ACACB: variants seen among roughly 807,000 people sequenced by gnomAD.
The protein encoded by ACACB is acetyl-CoA carboxylase beta.
Under a neutral mutation model 278.8 loss-of-function variants are expected in ACACB, and 209 were observed. The ratio of observed to expected loss-of-function variants is 0.75; its 90% CI spans 0.67 to 0.84. The LOEUF (loss-of-function observed/expected upper bound fraction) is 0.84. Ranked by LOEUF, ACACB falls within the 40% of genes least tolerant of loss-of-function variation. The probability of loss-of-function intolerance (pLI) is 0.00; values close to 1 mark genes in which losing one functional copy is unlikely to be tolerated. For missense variants in ACACB, 2,850 were observed against 3,269.0 expected (o/e 0.87, Z 3.13); for synonymous variants, 1,174 against 1,285.6 (o/e 0.91, Z 1.86).
At chr12:109,203,713 A>G (rs947861384) in intron 19 of ACACB, among the ~76,000 whole-genome samples, 1 of 152,096 alleles carries the variant, frequency 6.6e-6, no homozygotes, top group Admixed American at 6.5e-5. Flanking sequence ...CTGTCATGTG[A>G]CCCTGAGCTC....
Position 109,196,885 on chromosome 12 carries a change from C to CG in ACACB, c.2482-118dup, listed in dbSNP as rs1456774902. 1.6e-5 allele frequency: 19 copies of CG among 1,153,458 alleles called. No homozygotes were observed. The East Asian group carries it at 3.1e-4, about 19-fold the overall frequency. 71.5% of individuals were successfully genotyped at this position (1,153,458 alleles called of 1,614,324 possible). ...AATTGTGAGGGCTGGGTCCGAGAGA[C>CG]GGGGGTGTTCATCTTGGCCCTCTGT... On this transcript the variant is annotated intron_variant, in intron 16 of 52. Coordinates refer to ENST00000338432, the MANE Select transcript of ACACB (RefSeq NM_001093.4).
upstream of ACACB, among the ~76,000 whole-genome samples, chr12:109,113,850 C>T (rs981979363): frequency 3.3e-5 from 5 of 152,216 alleles, no homozygotes; most frequent in African/African-American, 7.2e-5. Context: ...CTGACTTGTG[C>T]TGACTCAAGC....
chr12:109,222,707 C>T (rs2046207632), intron 25 of ACACB, 87 bp downstream of exon 25: 1 of 1,519,960 alleles, frequency 6.6e-7, no homozygotes, highest in East Asian at 2.3e-5. Context: ...TCACCATGCA[C>T]AGTCCCACCG....
chr12:109,252,100 G>C lies in ACACB; in HGVS notation c.5845G>C (p.Val1949Leu), dbSNP rs2047111163. 3 of 1,613,658 alleles carry C rather than the reference G, an allele frequency of 1.9e-6. No individual in the cohort carries two copies. Among genetic ancestry groups the C allele is most frequent in the Non-Finnish European group, 2.5e-6 (3 of 1,179,808 alleles). ...CTACTTGGTGAGGCTGGGCCAGCGA[G>C]TGATCCAGGTGGAGAATTCCCACAT... The part of the protein sequence containing the change: ...GAYLVRLGQR[V>L]IQVENSHIIL... Residue 1949 changes from valine (V) to leucine (L), a missense_variant, in exon 42 of 53, where the codon GTG becomes CTG. Physicochemically the swap from Val to Leu is conservative, Grantham distance 32 (BLOSUM62 1). Transcript: ENST00000338432.
At chr12:109,226,699 CA>C (rs531983826) in intron 27 of ACACB, among the ~76,000 whole-genome samples, 185 of 74,204 alleles carry the variant, frequency 2.5e-3, no homozygotes, top group East Asian at 4.2e-3. Flanking sequence ...AACTCCATCT[CA>C]AAAAAAAAAA....
intron 2 of ACACB, among the ~76,000 whole-genome samples, chr12:109,161,242 A>G (rs533283686): frequency 6.6e-6 from 1 of 152,296 alleles, no homozygotes; most frequent in South Asian, 2.1e-4. Context: ...GTTGAAAACA[A>G]TAAATAAAAT....
Position 109,246,315 on chromosome 12 carries a change from C to T in ACACB, c.5438C>T (p.Ala1813Val). ...GPGEDLLYLR[A>V]SEMARAEGIP... ...GGAGAGGACCTTCTGTACCTGCGGG[C>T]ATCCGAGATGGCCCGGGCAGAGGGC... Residue 1813 changes from alanine (A) to valine (V), a missense_variant, in exon 39 of 53, where the codon GCA becomes GTA. Transcript: ENST00000338432. The T allele has an allele frequency of 2.5e-6, 4 of 1,612,768 alleles. No individual in the cohort carries two copies. The highest frequency in any genetic ancestry group is 3.4e-6 in the Non-Finnish European group (4 of 1,179,766).
chr12:109,144,789 C>T (rs1416841305), intron 2 of ACACB, among the ~76,000 whole-genome samples: 2 of 109,840 alleles, frequency 1.8e-5, no homozygotes, highest in Non-Finnish European at 3.4e-5. Flanking sequence ...GAGTCTTGCT[C>T]TGTCACCCAG....
At chr12:109,232,875 C>A (rs377173883) in intron 29 of ACACB, 69 bp downstream of exon 29, 1 of 1,583,000 alleles carries the variant, frequency 6.3e-7, no homozygotes, top group Non-Finnish European at 8.6e-7. Context: ...TGAATCCCCC[C>A]CCAATTCACT....
chr12:109,244,296 C>T (rs573226600), intron 37 of ACACB, among the ~76,000 whole-genome samples: 6 of 152,158 alleles, frequency 3.9e-5, no homozygotes, highest in East Asian at 3.8e-4. Context: ...TAGAGTAACT[C>T]GGGCCTCAGC....
At chr12:109,260,083 G>C in intron 47 of ACACB, 1 of 1,362,112 alleles carries the variant, frequency 7.3e-7, no homozygotes, top group Non-Finnish European at 9.7e-7. Flanking sequence ...GGGACCTGGA[G>C]AGATGTGTCT....
intron 20 of ACACB, among the ~76,000 whole-genome samples, chr12:109,207,872 G>T (rs373711929): frequency 6.6e-6 from 1 of 152,048 alleles, no homozygotes; most frequent in African/African-American, 2.4e-5. Flanking sequence ...TAGAGACGGG[G>T]TTCTACCGTG....
At chr12:109,142,500 A>G (rs552373791) in intron 2 of ACACB, among the ~76,000 whole-genome samples, 19 of 152,250 alleles carry the variant, frequency 1.2e-4, no homozygotes, top group Non-Finnish European at 2.5e-4. Flanking sequence ...GTTTGAGCTT[A>G]AACCAAGGTT....
chr12:109,179,169 G>C lies in ACACB; in HGVS notation c.1519G>C (p.Ala507Pro). ...CCGTCACCTGGAAGTTCAGATCCTC[G>C]CTGACCAGTATGGGAATGCTGTGTC... ...HARHLEVQIL[A>P]DQYGNAVSLF... is the part of the protein sequence containing the mutation. Residue 507 changes from alanine to proline, a missense_variant, in exon 10 of 53, where the codon GCT becomes CCT. Physicochemically the swap from Ala to Pro is conservative, Grantham distance 27 (BLOSUM62 -1). This residue lies in a region of ACACB where 2,265 missense variants were observed against 2,561.3 expected (regional missense o/e 0.88). Transcript: ENST00000338432. 1.2e-6 allele frequency: 2 copies of C among 1,613,996 alleles called. No individual in the cohort carries two copies. Among genetic ancestry groups the C allele is most frequent in the Non-Finnish European group, 1.7e-6 (2 of 1,179,982 alleles).
chr12:109,227,371 G>A lies in ACACB; in HGVS notation c.3883G>A (p.Val1295Ile). 6.2e-7 allele frequency: 1 copy of A among 1,610,156 alleles called. No homozygotes were observed. The highest frequency in any genetic ancestry group is 8.5e-7 in the Non-Finnish European group (1 of 1,178,166). ...TGTCCGTGTGTTTCTGCCTTGTCAG[G>A]TTTACGTGCGGAGGGGCTACATCGC... ...NKVVCMASLEVYVRRGYIAYE... is the reference protein window; with the variant it reads ...NKVVCMASLEIYVRRGYIAYE... The change falls in exon 28 of 53, where the codon GTT becomes ATT. Residue 1295 changes from valine to isoleucine, a missense_variant and splice_region_variant. Around this residue, in one of 3 missense-constraint regions of ACACB, gnomAD observed 2,265 missense variants for 2,561.3 expected, o/e 0.88. Transcript: ENST00000338432.
In ACACB at chr12:109,136,860, G is replaced by A. The variant is rs140827034; in HGVS notation, c.-9-2537G>A. ...TTTATTTCATTTTATTGTCTAATTGGTTTGTCTAGAACTTCCAGTACAGTG... is the reference window on the plus strand; with the variant it reads ...TTTATTTCATTTTATTGTCTAATTGATTTGTCTAGAACTTCCAGTACAGTG... On this transcript the variant is annotated intron_variant, in intron 1 of 52. Transcript: ENST00000338432. Among the ~76,000 whole-genome samples the A allele has an allele frequency of 5.2e-4, 79 of 152,192 alleles. 2 individuals carry two copies. The East Asian group carries it at 0.015, about 28-fold the overall frequency.
At chr12:109,142,536 G>A (rs1400079168) in intron 2 of ACACB, among the ~76,000 whole-genome samples, 1 of 151,920 alleles carries the variant, frequency 6.6e-6, no homozygotes, top group Non-Finnish European at 1.5e-5. Flanking sequence ...ATTTATAAAG[G>A]CGAAAACTAT....
chr12:109,115,818 G>A (rs935790123), upstream of ACACB, among the ~76,000 whole-genome samples: 12 of 152,208 alleles, frequency 7.9e-5, no homozygotes, highest in African/African-American at 2.2e-4. Flanking sequence ...CGTGCTCAGC[G>A]CTCTCGCCAG....
intron 6 of ACACB, among the ~76,000 whole-genome samples, chr12:109,172,885 C>G (rs1477725465): frequency 6.6e-6 from 1 of 152,186 alleles, no homozygotes; most frequent in Non-Finnish European, 1.5e-5. Context: ...TATTGCAGCA[C>G]TATTCACAGT....
Sources: allele counts gnomAD v4.1 joint callset (sites outside exome capture counted in the v4.1 genomes callset), GRCh38; gene constraint gnomAD v4.1.1; regional missense constraint gnomAD v4.1.1; transcripts MANE v1.5; gene names NCBI Gene and HGNC (gene_info 2026-07-23, HGNC 2026-07-21).